AFF3: variants seen among roughly 807,000 people sequenced by gnomAD.
The protein encoded by AFF3 is AF4/FMR2 family member 3.
AFF3 carries 32 observed loss-of-function variants against 129.7 expected under a neutral mutation model. The ratio of observed to expected loss-of-function variants is 0.25; its 90% CI spans 0.19 to 0.33. The LOEUF (loss-of-function observed/expected upper bound fraction) is 0.33, where lower values mean the gene tolerates loss of function less well. Among genes scored for constraint, AFF3 ranks in the 10% least tolerant of loss-of-function variants. The pLI is 1.00. For synonymous variants in AFF3, 644 were observed against 635.4 expected, an observed-to-expected ratio of 1.01 and a Z score of -0.20; for missense variants, 1,373 against 1,592.0, an observed-to-expected ratio of 0.86 and a Z score of 2.34.
chr2:99,966,061 C>T (rs1677715203), intron 7 of AFF3, among the ~76,000 whole-genome samples: 1 of 152,072 alleles, frequency 6.6e-6, no homozygotes, highest in African/African-American at 2.4e-5. Context: ...TTACAATAGA[C>T]AATGAAATTA....
chr2:100,047,565 A>G (rs1020348450), intron 4 of AFF3, among the ~76,000 whole-genome samples: 3 of 152,246 alleles, frequency 2.0e-5, no homozygotes, highest in African/African-American at 7.2e-5. Context: ...TACTCAAAAA[A>G]TAATCCGTAG....
chr2:99,971,322 T>C (rs1014963427), intron 7 of AFF3, among the ~76,000 whole-genome samples: 10 of 152,232 alleles, frequency 6.6e-5, no homozygotes, highest in African/African-American at 2.4e-4. Flanking sequence ...CTTTGATCCA[T>C]TCTGCTACCC....
intron 4 of AFF3, among the ~76,000 whole-genome samples, chr2:100,088,874 C>T (rs561285468): frequency 3.2e-4 from 48 of 152,208 alleles, no homozygotes; most frequent in Non-Finnish European, 4.1e-4. Context: ...AAGTACTTCA[C>T]AATATTGGTG....
chr2:99,690,107 C>A (rs1354974773), intron 11 of AFF3, among the ~76,000 whole-genome samples: 1 of 149,356 alleles, frequency 6.7e-6, no homozygotes, highest in Non-Finnish European at 1.5e-5. Flanking sequence ...CAAACCCCCC[C>A]ACCCCCAAAA....
Position 99,593,883 on chromosome 2 carries a change from C to A in AFF3, c.1778G>T (p.Arg593Met), listed in dbSNP as rs777830809. 1 of 1,512,158 alleles carries A rather than the reference C, an allele frequency of 6.6e-7. No individual in the cohort carries two copies. The highest frequency in any genetic ancestry group is 2.3e-5 in the Admixed American group (1 of 43,556). 93.7% of individuals were successfully genotyped at this position (1,512,158 alleles called of 1,614,324 possible). ...GTTGGCGCCGTCCCCGGCTGAGGTC[C>A]TCTCGGTGCGCCTGGTGGGCTTCTT... Reference protein sequence around the residue: ...AGKKPTRRTERTSAGDGANCH... With the variant: ...AGKKPTRRTEMTSAGDGANCH... Residue 593 changes from arginine to methionine, a missense_variant, in exon 15 of 25, where the codon AGG (arginine) becomes ATG (methionine). This residue lies in a region of AFF3 where 466 missense variants were observed against 505.0 expected (regional missense o/e 0.92). Coordinates refer to ENST00000672756, the MANE Select transcript of AFF3 (RefSeq NM_001386135.1).
intron 7 of AFF3, among the ~76,000 whole-genome samples, chr2:99,975,584 G>C (rs1177457653): frequency 1.3e-5 from 2 of 151,968 alleles, no homozygotes; most frequent in Non-Finnish European, 2.9e-5. Context: ...TTTCCTTAAG[G>C]TGTATGTAGG....
chr2:99,906,812 A>G (rs1197853304), intron 7 of AFF3, among the ~76,000 whole-genome samples: 3 of 151,768 alleles, frequency 2.0e-5, no homozygotes, highest in Non-Finnish European at 4.4e-5. Context: ...ACACCTTGCA[A>G]TCAATCAATC....
intron 4 of AFF3, among the ~76,000 whole-genome samples, chr2:100,026,111 C>T (rs577048600): frequency 1.0e-3 from 154 of 152,270 alleles, no homozygotes; most frequent in African/African-American, 3.5e-3. Context: ...AGTAAACAGA[C>T]AACCCACAGA....
intron 4 of AFF3, among the ~76,000 whole-genome samples, chr2:100,083,516 G>A (rs1178887717): frequency 3.9e-5 from 6 of 152,076 alleles, no homozygotes; most frequent in East Asian, 1.9e-4. Context: ...TACCCTCTTC[G>A]TGCCCACCGT....
chr2:99,748,613 C>T (rs939522334), intron 9 of AFF3, among the ~76,000 whole-genome samples: 3 of 152,132 alleles, frequency 2.0e-5, no homozygotes, highest in East Asian at 1.9e-4. Flanking sequence ...ATTCTTCCTT[C>T]GAGGCTCTGC....
chr2:99,871,831 C>A (rs1245477404), intron 7 of AFF3, among the ~76,000 whole-genome samples: 4 of 152,072 alleles, frequency 2.6e-5, no homozygotes, highest in Non-Finnish European at 5.9e-5. Context: ...CAATACATGA[C>A]AAAGCCCTCA....
chr2:100,018,846 G>A lies in AFF3; in HGVS notation c.54-9914C>T, dbSNP rs548199925. 3.9e-5 allele frequency among the ~76,000 whole-genome samples: 6 copies of A among 152,126 alleles called. No individual in the cohort carries two copies. In the South Asian group the frequency reaches 1.0e-3, roughly 26 times the overall value. ...GCCGTCATCAATCACAGGTGTCTGC[G>A]ATGAGAAGGATGCTGACTCTCAGGG... On this transcript the variant is annotated intron_variant, in intron 4 of 24. Transcript: ENST00000672756.
chr2:99,737,432 T>C (rs1680347794), intron 10 of AFF3, among the ~76,000 whole-genome samples: 2 of 106,024 alleles, frequency 1.9e-5, no homozygotes, highest in Admixed American at 1.1e-4. Context: ...GAAAATGTCT[T>C]GACTCATTAA....
At chr2:100,130,974 C>A (rs74775257) in intron 1 of AFF3, among the ~76,000 whole-genome samples, 3,681 of 152,194 alleles carry the variant, frequency 0.024, 149 homozygotes, top group African/African-American at 0.084. Flanking sequence ...ATAATAGACT[C>A]ATAAAATTAA....
chr2:100,092,844 C>A (rs1245242157), intron 4 of AFF3, among the ~76,000 whole-genome samples: 1 of 151,582 alleles, frequency 6.6e-6, no homozygotes, highest in African/African-American at 2.4e-5. Flanking sequence ...TACCCCCGTA[C>A]ATACTCCACA....
chr2:99,784,404 T>C (rs768324550), intron 8 of AFF3, among the ~76,000 whole-genome samples: 23 of 152,162 alleles, frequency 1.5e-4, no homozygotes, highest in Non-Finnish European at 2.9e-4. Context: ...TAGAGCACGG[T>C]AGTCTCGCAA....
chr2:99,647,646 G>C (rs970900694), intron 13 of AFF3, among the ~76,000 whole-genome samples: 7 of 151,766 alleles, frequency 4.6e-5, no homozygotes, highest in African/African-American at 1.7e-4. Flanking sequence ...TAAAATACAA[G>C]TTGAAGAAAA....
At chr2:99,569,335 C>A (rs924425616) in intron 18 of AFF3, among the ~76,000 whole-genome samples, 7 of 151,674 alleles carry the variant, frequency 4.6e-5, no homozygotes, top group African/African-American at 1.7e-4. Flanking sequence ...ATTTATGTAT[C>A]CTTATGAAAA....
chr2:99,905,573 T>G (rs934097652), intron 7 of AFF3, among the ~76,000 whole-genome samples: 4 of 152,222 alleles, frequency 2.6e-5, no homozygotes. Flanking sequence ...TGCTCTCCTG[T>G]GTTTATTCCT....
Sources: gnomAD v4.1 joint callset for allele counts (sites outside exome capture counted in the v4.1 genomes callset) on GRCh38, gnomAD v4.1.1 for gene constraint, gnomAD v4.1.1 regional missense constraint, MANE v1.5 for transcripts, NCBI Gene and HGNC (gene_info 2026-07-23, HGNC 2026-07-21) for gene names.